Variants in PARD3 observed in about 807,000 individuals in gnomAD.
PARD3 encodes partitioning defective 3 homolog.
Under a neutral mutation model 155.4 loss-of-function variants are expected in PARD3, and 75 were observed. The observed-to-expected ratio is 0.48, with a 90% CI of 0.40 to 0.58. PARD3 has a LOEUF of 0.58. Among genes scored for constraint, PARD3 ranks in the 20% least tolerant of loss-of-function variants. The pLI is 0.00. For synonymous variants in PARD3, 576 were observed against 610.5 expected (o/e 0.94, Z 0.83); for missense variants, 1,642 against 1,721.7 (o/e 0.95, Z 0.82).
intron 7 of PARD3, among the ~76,000 whole-genome samples, chr10:34,385,015 A>AT (rs779190800): frequency 6.6e-6 from 1 of 152,264 alleles, no homozygotes; most frequent in Non-Finnish European, 1.5e-5. Flanking sequence ...CACTAACTTC[A>AT]TAACTGACAG....
At chr10:34,318,878 G>C (rs1958187681) in intron 19 of PARD3, among the ~76,000 whole-genome samples, 1 of 151,896 alleles carries the variant, frequency 6.6e-6, no homozygotes. Context: ...CCATTCTCCT[G>C]CCTCAGCCTC....
intron 5 of PARD3, among the ~76,000 whole-genome samples, chr10:34,437,371 A>G (rs2076241280): frequency 6.6e-6 from 1 of 152,218 alleles, no homozygotes; most frequent in African/African-American, 2.4e-5. Context: ...AACTCAAAAT[A>G]ATTCTCATAT....
At chr10:34,279,915 AAATT>A (rs1389312311) in intron 21 of PARD3, among the ~76,000 whole-genome samples, 1 of 152,348 alleles carries the variant, frequency 6.6e-6, no homozygotes, top group South Asian at 2.1e-4. Context: ...ATTTAATAAG[AAATT>A]AATTAACTTT....
chr10:34,249,005 T>C (rs935266810), intron 22 of PARD3, among the ~76,000 whole-genome samples: 1 of 152,334 alleles, frequency 6.6e-6, no homozygotes, highest in Middle Eastern at 3.4e-3. Flanking sequence ...TCAGTAGATA[T>C]TTATATTGGT....
intron 2 of PARD3, among the ~76,000 whole-genome samples, chr10:34,633,660 C>T (rs1431472066): frequency 6.6e-6 from 1 of 152,194 alleles, no homozygotes; most frequent in Non-Finnish European, 1.5e-5. Flanking sequence ...ATCTCTTCGA[C>T]ATATTGATTT....
At chr10:34,733,261 C>T (rs1429430908) in intron 1 of PARD3, among the ~76,000 whole-genome samples, 1 of 152,148 alleles carries the variant, frequency 6.6e-6, no homozygotes, top group African/African-American at 2.4e-5. Flanking sequence ...TTCCTGATTA[C>T]AAATGGAAGT....
chr10:34,345,382 T>G, intron 15 of PARD3: 1 of 985,272 alleles, frequency 1.0e-6, no homozygotes, highest in South Asian at 4.7e-5. Context: ...CATATGAAAA[T>G]TCAACCTGTT....
chr10:34,344,850 TC>T, intron 15 of PARD3: 1 of 985,382 alleles, frequency 1.0e-6, no homozygotes, highest in Non-Finnish European at 1.2e-6. Flanking sequence ...AAAACATGCA[TC>T]CAAATTTTGG....
chr10:34,567,789 A>G (rs916348540), intron 2 of PARD3, among the ~76,000 whole-genome samples: 15 of 152,246 alleles, frequency 9.9e-5, no homozygotes, highest in African/African-American at 3.6e-4. Context: ...GAAGCTATCA[A>G]TATTGTACCA....
At chr10:34,153,384 T>C (rs917135751) in intron 22 of PARD3, among the ~76,000 whole-genome samples, 4 of 152,178 alleles carry the variant, frequency 2.6e-5, no homozygotes, top group Non-Finnish European at 2.9e-5. Flanking sequence ...TACATATTCA[T>C]GAGTGCAGAG....
intron 22 of PARD3, among the ~76,000 whole-genome samples, chr10:34,135,085 T>C (rs1311083611): frequency 6.6e-6 from 1 of 152,122 alleles, no homozygotes; most frequent in Non-Finnish European, 1.5e-5. Flanking sequence ...AAAAATACCA[T>C]CCAAGTTGAT....
intron 1 of PARD3, among the ~76,000 whole-genome samples, chr10:34,777,371 T>C (rs1839712546): frequency 6.6e-6 from 1 of 151,804 alleles, no homozygotes; most frequent in South Asian, 2.1e-4. Context: ...CTGAGAGGAG[T>C]TGAGAAGGCC....
At chr10:34,480,799 T>TC (rs1304652625) in intron 3 of PARD3, among the ~76,000 whole-genome samples, 5 of 148,648 alleles carry the variant, frequency 3.4e-5, no homozygotes, top group African/African-American at 1.2e-4. Context: ...TTTTTCTTTT[T>TC]TTTTTTTTTT....
At chr10:34,195,553 G>C (rs1404515456) in intron 22 of PARD3, among the ~76,000 whole-genome samples, 1 of 152,144 alleles carries the variant, frequency 6.6e-6, no homozygotes, top group East Asian at 1.9e-4. Flanking sequence ...AACACTTCTG[G>C]AGTGCTTATG....
chr10:34,759,380 T>C (rs1449317013), intron 1 of PARD3, among the ~76,000 whole-genome samples: 1 of 152,156 alleles, frequency 6.6e-6, no homozygotes, highest in Admixed American at 6.5e-5. Flanking sequence ...ACTGTGCTCT[T>C]GAGAACTGTT....
intron 14 of PARD3, among the ~76,000 whole-genome samples, chr10:34,356,626 T>C (rs926523881): frequency 1.3e-5 from 2 of 152,202 alleles, no homozygotes; most frequent in Non-Finnish European, 2.9e-5. Flanking sequence ...TTGAGATTTG[T>C]TCAGGACAGC....
intron 22 of PARD3, among the ~76,000 whole-genome samples, chr10:34,161,405 T>TC (rs1404575779): frequency 6.6e-6 from 1 of 152,112 alleles, no homozygotes; most frequent in East Asian, 1.9e-4. Flanking sequence ...ACACTGTTAC[T>TC]CAGTGTAATG....
chr10:34,622,174 T>C (rs902384384), intron 2 of PARD3, among the ~76,000 whole-genome samples: 17 of 152,276 alleles, frequency 1.1e-4, no homozygotes, highest in Admixed American at 1.0e-3. Context: ...ATTAGAAATA[T>C]GCAGAAAAAA....
At chr10:34,463,147 G>T (rs1448814941) in intron 4 of PARD3, among the ~76,000 whole-genome samples, 1 of 131,906 alleles carries the variant, frequency 7.6e-6, no homozygotes, top group Non-Finnish European at 1.6e-5. Context: ...AAGAGAAGGG[G>T]AAGGGAAAGG....
Sources: gnomAD v4.1 joint callset for allele counts (sites outside exome capture counted in the v4.1 genomes callset) on GRCh38, gnomAD v4.1.1 for gene constraint, MANE v1.5 for transcripts, NCBI Gene and HGNC (gene_info 2026-07-23, HGNC 2026-07-21) for gene names.